Variants in HS1BP3 observed in about 807,000 individuals in gnomAD.
HS1BP3 encodes the protein HCLS1 binding protein 3, also known as HCLS1-binding protein 3.
HS1BP3 carries 32 observed loss-of-function variants against 33.5 expected under a neutral mutation model. The ratio of observed to expected loss-of-function variants is 0.95; its 90% CI spans 0.72 to 1.28. The LOEUF is 1.28. HS1BP3 is among the 50% of genes most tolerant of loss of function. The pLI is 0.00. For missense variants in HS1BP3, 486 were observed against 502.3 expected (o/e 0.97, Z 0.31); for synonymous variants, 187 against 209.2 (o/e 0.89, Z 0.92).
chr2:20,589,698 G>A (rs147595812), downstream of HS1BP3, among the ~76,000 whole-genome samples: 13 of 152,296 alleles, frequency 8.5e-5, no homozygotes, highest in East Asian at 2.5e-3. Context: ...AATTCTAAGT[G>A]GCTCAAATCC....
chr2:20,619,794 A>G (rs960599739), intron 6 of HS1BP3, among the ~76,000 whole-genome samples: 1 of 152,232 alleles, frequency 6.6e-6, no homozygotes, highest in African/African-American at 2.4e-5. Context: ...GGCCCTTAGA[A>G]GCTGAGCCCT....
intron 4 of HS1BP3, among the ~76,000 whole-genome samples, chr2:20,632,496 G>T (rs1200471926): frequency 9.9e-5 from 15 of 152,226 alleles, no homozygotes. Flanking sequence ...CAGCAGTCAG[G>T]AGACCCCCAG....
chr2:20,633,143 G>A (rs1572352339), intron 4 of HS1BP3, among the ~76,000 whole-genome samples: 1 of 152,326 alleles, frequency 6.6e-6, no homozygotes, highest in African/African-American at 2.4e-5. Flanking sequence ...CAGCTGAGTG[G>A]CAGAAAGGGG....
chr2:20,618,567 G>A lies in HS1BP3; in HGVS notation c.*420C>T, dbSNP rs1340580762. On this transcript the variant is annotated 3_prime_UTR_variant, in exon 7 of 7. Coordinates refer to ENST00000304031, the MANE Select transcript of HS1BP3 (RefSeq NM_022460.4). The stretch of plus-strand genomic sequence containing the variant: ...TACTATGCGAACAGAGGCAGAGGAG[G>A]GATAGAGGCCCAGCCCCAGTTTGGG... The A allele has an allele frequency of 7.9e-6, 2 of 253,896 alleles. No homozygotes were observed. The highest frequency in any genetic ancestry group is 1.3e-5 in the Non-Finnish European group (2 of 153,766). The allele number at this position is 253,896 out of a possible 1,614,324, so 15.7% of individuals were successfully genotyped here.
At chr2:20,582,195 G>A (rs1269918294) in intron 5 of HS1BP3, among the ~76,000 whole-genome samples, 6 of 152,228 alleles carry the variant, frequency 3.9e-5, no homozygotes, top group African/African-American at 1.2e-4. Context: ...CCTTCCTGGA[G>A]GCGAAGGCTC....
rs751963675 is a variant in HS1BP3 at position 20,645,376 on chromosome 2, C to T, written c.162G>A (p.Ser54=). 22 of 1,613,878 alleles carry T rather than the reference C, an allele frequency of 1.4e-5. No homozygotes were observed. The South Asian group carries it at 2.1e-4, about 15-fold the overall frequency. Residue 54 remains serine (S), a synonymous_variant, in exon 2 of 7, where the codon TCG becomes TCA. Coordinates refer to ENST00000304031, the MANE Select transcript of HS1BP3 (RefSeq NM_022460.4). ...LVVTRLAAFK[S]AKHRPEDVVQ... ...CGACATCCTCGGGCCTGTGCTTGGCCGACTTGAACGCAGCCAGACGGGTCA... is the reference window on the plus strand; with the variant it reads ...CGACATCCTCGGGCCTGTGCTTGGCTGACTTGAACGCAGCCAGACGGGTCA...
the HS1BP3 span, among the ~76,000 whole-genome samples, chr2:20,554,595 T>C: frequency 6.6e-6 from 1 of 151,530 alleles, no homozygotes; most frequent in Non-Finnish European, 1.5e-5. Flanking sequence ...TGGTGGTGGG[T>C]ACCTGTAATC....
chr2:20,559,696 ACGGG>A (rs1331061231), downstream of HS1BP3, among the ~76,000 whole-genome samples: 40 of 129,796 alleles, frequency 3.1e-4, no homozygotes, highest in Non-Finnish European at 5.5e-4. Context: ...GGGTAGATGG[ACGGG>A]TGGGTGGGTG....
intron 5 of HS1BP3, among the ~76,000 whole-genome samples, chr2:20,565,422 C>A (rs1050225761): frequency 6.6e-6 from 1 of 152,202 alleles, no homozygotes; most frequent in African/African-American, 2.4e-5. Flanking sequence ...TGAATGCCAT[C>A]CCCTGTCCCC....
intron 4 of HS1BP3, among the ~76,000 whole-genome samples, chr2:20,626,449 C>A (rs1465534216): frequency 6.6e-6 from 1 of 152,222 alleles, no homozygotes; most frequent in Admixed American, 6.5e-5. Flanking sequence ...GGCCACACAG[C>A]AGGGAAGGGA....
chr2:20,600,117 G>A (rs957580260), intron 2 of HS1BP3, among the ~76,000 whole-genome samples: 3 of 152,154 alleles, frequency 2.0e-5, no homozygotes, highest in African/African-American at 4.8e-5. Flanking sequence ...CTGTGCAGTC[G>A]GACCAAATGC....
chr2:20,571,809 C>T (rs1693281535), intron 5 of HS1BP3, among the ~76,000 whole-genome samples: 1 of 152,224 alleles, frequency 6.6e-6, no homozygotes, highest in Non-Finnish European at 1.5e-5. Context: ...TTCACGAGCT[C>T]GAAGTAGAGC....
downstream of HS1BP3, among the ~76,000 whole-genome samples, chr2:20,556,956 A>G (rs559530275): frequency 2.0e-5 from 3 of 152,328 alleles, no homozygotes; most frequent in Admixed American, 2.0e-4. Context: ...ATTTCCTTTC[A>G]GGGCACCACA....
chr2:20,560,432 C>T (rs1157111717), downstream of HS1BP3: 1 of 152,382 alleles, frequency 6.6e-6, no homozygotes, highest in Non-Finnish European at 1.5e-5. Flanking sequence ...TGCTGTGGTC[C>T]TCCTAGATGG....
In HS1BP3 at chr2:20,565,748, C is replaced by T. The variant is rs1054767286; in HGVS notation, c.303-5233G>A. Among the ~76,000 whole-genome samples the T allele has an allele frequency of 3.9e-5, 6 of 152,350 alleles. 1 individual carries two copies. The South Asian group carries it at 1.2e-3, about 32-fold the overall frequency. ...GGAGCAGGGCTCTCCAGGGCCAAGC[C>T]AAAGCCACCAGGCAGGTCAGAGCAG... On this transcript the variant is annotated intron_variant, in intron 5 of 5. Transcript: ENST00000446825.
At position 20,640,980 on chromosome 2, in the gene HS1BP3, C is replaced by T; in HGVS notation, c.399G>A (p.Glu133=). ...AELAGSPELL[E]FLGTRSPGAA... Reference sequence around the variant, plus strand: ...GGGCAGAGCCTTGGGTACCTAAGAACTCTAGCAGCTCTGGGCTGCCTGCCA... The same window carrying T: ...GGGCAGAGCCTTGGGTACCTAAGAATTCTAGCAGCTCTGGGCTGCCTGCCA... The change falls in exon 3 of 7, where the codon GAG becomes GAA. Residue 133 remains glutamate, a synonymous_variant. Coordinates refer to ENST00000304031, the MANE Select transcript of HS1BP3 (RefSeq NM_022460.4). The T allele has an allele frequency of 6.2e-7, 1 of 1,614,186 alleles. No individual in the cohort carries two copies. The highest frequency in any genetic ancestry group is 8.5e-7 in the Non-Finnish European group (1 of 1,180,002).
At chr2:20,604,435 C>T (rs1050531286) in intron 2 of HS1BP3, among the ~76,000 whole-genome samples, 2 of 152,170 alleles carry the variant, frequency 1.3e-5, no homozygotes, top group African/African-American at 2.4e-5. Context: ...CAGGCCTCCT[C>T]GTGTTAGAGA....
intron 5 of HS1BP3, among the ~76,000 whole-genome samples, chr2:20,564,091 C>G (rs554687402): frequency 2.0e-5 from 3 of 152,252 alleles, no homozygotes; most frequent in Non-Finnish European, 2.9e-5. Context: ...AACGTGGGAA[C>G]TGTTGCTCAG....
chr2:20,624,766 T>C lies in HS1BP3; in HGVS notation c.750A>G (p.Pro250=). 6.2e-7 allele frequency: 1 copy of C among 1,612,108 alleles called. No homozygotes were observed. Among genetic ancestry groups the C allele is most frequent in the South Asian group, 1.1e-5 (1 of 91,020 alleles). ...ATGACACGTCCTCCGAGGGGTCCTG[T>C]GGAGACAGCTTCCTGCCCGGGCCAA... ...GLFGPGRKLS[P]QDPSEDVSSV... is the part of the protein sequence containing the mutation. Residue 250 remains proline (P), a synonymous_variant, in exon 5 of 7, where the codon CCA becomes CCG. Transcript: ENST00000304031.
Sources: allele counts gnomAD v4.1 joint callset (sites outside exome capture counted in the v4.1 genomes callset), GRCh38; gene constraint gnomAD v4.1.1; transcripts MANE v1.5; gene names NCBI Gene and HGNC (gene_info 2026-07-23, HGNC 2026-07-21).